Variants in PDCD1LG2 observed in about 807,000 individuals in gnomAD.
PDCD1LG2 encodes the protein programmed cell death 1 ligand 2, also known as B7 dendritic cell molecule.
Under a neutral mutation model 28.2 loss-of-function variants are expected in PDCD1LG2, and 32 were observed. The ratio of observed to expected loss-of-function variants is 1.13; its 90% CI spans 0.86 to 1.52. The LOEUF (loss-of-function observed/expected upper bound fraction) is 1.52. Among genes scored for constraint, PDCD1LG2 ranks in the 40% most tolerant of loss-of-function variants. The pLI is 0.00. For missense variants in PDCD1LG2, 385 were observed against 323.8 expected (o/e 1.19, Z -1.45); for synonymous variants, 116 against 120.2 (o/e 0.97, Z 0.23).
At chr9:5,566,506 A>G (rs896553882) in intron 6 of PDCD1LG2, among the ~76,000 whole-genome samples, 1 of 152,234 alleles carries the variant, frequency 6.6e-6, no homozygotes, top group African/African-American at 2.4e-5. Context: ...AAGAGTTGGC[A>G]TATGCTTTGC....
At chr9:5,514,772 G>GAAA (rs60002651) in intron 1 of PDCD1LG2, among the ~76,000 whole-genome samples, 33 of 62,386 alleles carry the variant, frequency 5.3e-4, no homozygotes, top group African/African-American at 5.9e-4. Flanking sequence ...AGTCTCTAAA[G>GAAA]AAAAAAAAAA....
chr9:5,533,403 A>G (rs1263186603), intron 2 of PDCD1LG2, among the ~76,000 whole-genome samples: 3 of 152,226 alleles, frequency 2.0e-5, no homozygotes, highest in Non-Finnish European at 2.9e-5. Context: ...CCTGTGGTAG[A>G]TGAAAAACAA....
chr9:5,549,642 G>T, intron 4 of PDCD1LG2, 38 bp downstream of exon 4: 1 of 1,607,916 alleles, frequency 6.2e-7, no homozygotes. Context: ...TATCAGTTAG[G>T]GTTCAGACAA....
intron 4 of PDCD1LG2, among the ~76,000 whole-genome samples, chr9:5,557,416 G>A (rs997953535): frequency 1.3e-5 from 2 of 152,124 alleles, no homozygotes; most frequent in African/African-American, 4.8e-5. Flanking sequence ...AGTGAAATGG[G>A]GATCATAGCA....
At position 5,569,895 on chromosome 9, in the gene PDCD1LG2, G is replaced by T. The variant is rs2129974756; in HGVS notation, c.817-59G>T. The T allele has an allele frequency of 2.6e-6, 4 of 1,568,208 alleles. No homozygotes were observed. Among genetic ancestry groups the T allele is most frequent in the South Asian group, 1.1e-5 (1 of 89,668 alleles). On this transcript the variant is annotated intron_variant, in intron 6 of 6. Transcript: ENST00000397747. This position sits in a 1 kb window ranked among gnomAD's most constrained non-coding sequence, Gnocchi z 4.1. ...AGTTCCTCACTCAAATTTTGGGGAGGTTATATATTTTCTAATCATAAAAAA... is the reference window on the plus strand; with the variant it reads ...AGTTCCTCACTCAAATTTTGGGGAGTTTATATATTTTCTAATCATAAAAAA...
intron 2 of PDCD1LG2, among the ~76,000 whole-genome samples, chr9:5,525,995 C>T (rs186509283): frequency 6.3e-5 from 9 of 143,416 alleles, no homozygotes; most frequent in Admixed American, 5.9e-4. Flanking sequence ...GGCGGTGAGC[C>T]AAGATCACGC....
intron 1 of PDCD1LG2, among the ~76,000 whole-genome samples, chr9:5,514,320 A>G (rs538550148): frequency 1.1e-4 from 16 of 152,272 alleles, no homozygotes; most frequent in Admixed American, 5.9e-4. Context: ...CAGCACCACA[A>G]TTATTTGTAT....
intron 6 of PDCD1LG2, among the ~76,000 whole-genome samples, chr9:5,565,469 C>T (rs2129956943): frequency 6.6e-6 from 1 of 152,218 alleles, no homozygotes; most frequent in East Asian, 1.9e-4. Flanking sequence ...CAGGCGTAAG[C>T]CACTGTGCCC....
rs576644145 is a variant in PDCD1LG2, at chr9:5,522,146, A to G, written c.-14-387A>G. On this transcript the variant is annotated intron_variant, in intron 1 of 6. Coordinates refer to ENST00000397747, the MANE Select transcript of PDCD1LG2 (RefSeq NM_025239.4). ...AGACTCCCAGACATCCAGTCCAGGT[A>G]AAGAAGATGGTGTCCATTATTCATT... 3.3e-4 allele frequency among the ~76,000 whole-genome samples: 50 copies of G among 151,962 alleles called. No individual in the cohort carries two copies. The Middle Eastern group carries it at 0.01, about 31-fold the overall frequency.
intron 1 of PDCD1LG2, among the ~76,000 whole-genome samples, chr9:5,515,836 T>C (rs531746378): frequency 7.7e-6 from 1 of 130,498 alleles, no homozygotes; most frequent in Non-Finnish European, 1.5e-5. Context: ...GGCAGGAGAA[T>C]CACTTGAACC....
chr9:5,561,484 T>G (rs1480825338), intron 5 of PDCD1LG2, among the ~76,000 whole-genome samples: 1 of 152,220 alleles, frequency 6.6e-6, no homozygotes, highest in Non-Finnish European at 1.5e-5. Context: ...CCAAAACTTG[T>G]GGCCTATTTG....
intron 4 of PDCD1LG2, among the ~76,000 whole-genome samples, chr9:5,552,558 C>T (rs956660667): frequency 6.6e-6 from 1 of 152,114 alleles, no homozygotes; most frequent in Non-Finnish European, 1.5e-5. Context: ...TGAGTTAGAC[C>T]TTGCACAGAA....
intron 1 of PDCD1LG2, among the ~76,000 whole-genome samples, chr9:5,512,824 G>C (rs894095727): frequency 3.3e-5 from 5 of 151,938 alleles, no homozygotes; most frequent in African/African-American, 1.2e-4. Context: ...CTCCCCCATG[G>C]CTCCAATATT....
At chr9:5,516,170 GC>G (rs1341461418) in intron 1 of PDCD1LG2, among the ~76,000 whole-genome samples, 1 of 151,954 alleles carries the variant, frequency 6.6e-6, no homozygotes, top group African/African-American at 2.4e-5. Flanking sequence ...TCCTGCTTCA[GC>G]CTCCCGAGTA....
At chr9:5,540,351 C>T (rs1820664926) in intron 3 of PDCD1LG2, among the ~76,000 whole-genome samples, 1 of 151,856 alleles carries the variant, frequency 6.6e-6, no homozygotes, top group South Asian at 2.1e-4. Flanking sequence ...CAATCCAAAC[C>T]CAAACCCAGC....
intron 3 of PDCD1LG2, among the ~76,000 whole-genome samples, chr9:5,541,941 C>G (rs1312731890): frequency 6.6e-6 from 1 of 152,092 alleles, no homozygotes; most frequent in Non-Finnish European, 1.5e-5. Context: ...CATACTATAA[C>G]ACCATAGTCA....
intron 2 of PDCD1LG2, 88 bp from the exon 3 acceptor site, chr9:5,534,657 G>A: frequency 8.3e-7 from 1 of 1,210,848 alleles, no homozygotes; most frequent in Non-Finnish European, 1.1e-6. Flanking sequence ...TGGAAAATGG[G>A]GGTGAGATGG....
At chr9:5,527,780 A>G (rs1213489314) in intron 2 of PDCD1LG2, among the ~76,000 whole-genome samples, 2 of 152,092 alleles carry the variant, frequency 1.3e-5, no homozygotes, top group African/African-American at 2.4e-5. Context: ...CAGCAAGTAT[A>G]TGAGAGTTCT....
chr9:5,514,838 G>C (rs1820126240), intron 1 of PDCD1LG2, among the ~76,000 whole-genome samples: 1 of 151,304 alleles, frequency 6.6e-6, no homozygotes, highest in Non-Finnish European at 1.5e-5. Flanking sequence ...TAAATACAAG[G>C]TAGACAAGAA....
Sources: allele counts gnomAD v4.1 joint callset (sites outside exome capture counted in the v4.1 genomes callset), GRCh38; gene constraint gnomAD v4.1.1; non-coding constraint Gnocchi (gnomAD v3.1); transcripts MANE v1.5; gene names NCBI Gene and HGNC (gene_info 2026-07-23, HGNC 2026-07-21).